NAV2: variants seen among roughly 807,000 people sequenced by gnomAD.
NAV2 encodes neuron navigator 2.
In NAV2, 54 loss-of-function variants were observed where a neutral mutation model predicts 223.2. That is an observed-to-expected ratio of 0.24 (90% CI 0.19 to 0.30). The LOEUF is 0.30. Ranked by LOEUF, NAV2 falls within the 10% of genes least tolerant of loss-of-function variation. The pLI is 1.00. For synonymous variants in NAV2, 1,279 were observed against 1,239.3 expected (o/e 1.03, Z -0.67); for missense variants, 2,806 against 3,147.5 (o/e 0.89, Z 2.60).
At chr11:19,962,939 T>A (rs2048454809) in intron 10 of NAV2, among the ~76,000 whole-genome samples, 1 of 152,220 alleles carries the variant, frequency 6.6e-6, no homozygotes. Flanking sequence ...GTGCTTGTAA[T>A]CATCCAGTCA....
At chr11:19,778,223 TGAATTGTTTTTTTATCG>T (rs1004059489) in intron 1 of NAV2, 17 of 410,346 alleles carry the variant, frequency 4.1e-5, no homozygotes, top group African/African-American at 2.7e-4. Context: ...TTTGCTTTTG[TGAATTGTTTTTTTATCG>T]GATAGTTTCA....
intron 3 of NAV2, 111 bp downstream of exon 3, chr11:19,843,034 A>C: frequency 1.2e-6 from 1 of 841,828 alleles, no homozygotes. Flanking sequence ...CCAGGGGATT[A>C]TATTAATAAA....
intron 1 of NAV2, among the ~76,000 whole-genome samples, chr11:19,577,192 A>G (rs1259029072): frequency 6.6e-6 from 1 of 152,228 alleles, no homozygotes; most frequent in Non-Finnish European, 1.5e-5. Flanking sequence ...ACATGAGGAA[A>G]CTGAGGCTCA....
chr11:19,794,872 C>A (rs1317128825), intron 1 of NAV2, among the ~76,000 whole-genome samples: 1 of 152,188 alleles, frequency 6.6e-6, no homozygotes, highest in Non-Finnish European at 1.5e-5. Context: ...TTATTGCAAA[C>A]CTTTCCCCTC....
upstream of NAV2, among the ~76,000 whole-genome samples, chr11:19,709,546 C>CAAAAAAA (rs3043492): frequency 1.3e-4 from 8 of 63,132 alleles, no homozygotes; most frequent in South Asian, 7.5e-4. Context: ...GACTCCGTCT[C>CAAAAAAA]AAAAAAAAAA....
intron 8 of NAV2, among the ~76,000 whole-genome samples, chr11:19,940,419 C>T (rs552247630): frequency 6.6e-6 from 1 of 152,304 alleles, no homozygotes; most frequent in South Asian, 2.1e-4. Context: ...AGAAAAGTCA[C>T]ACCTTAATTA....
intron 1 of NAV2, among the ~76,000 whole-genome samples, chr11:19,818,731 G>A (rs2059233183): frequency 6.6e-6 from 1 of 152,172 alleles, no homozygotes; most frequent in South Asian, 2.1e-4. Flanking sequence ...ACCGTCGGGT[G>A]GGTCCTACTA....
intron 36 of NAV2, among the ~76,000 whole-genome samples, chr11:20,111,728 C>T (rs1215225258): frequency 2.6e-5 from 4 of 152,186 alleles, no homozygotes; most frequent in Non-Finnish European, 5.9e-5. Context: ...GATTATCCAG[C>T]CTGCTCTGAG....
intron 1 of NAV2, among the ~76,000 whole-genome samples, chr11:19,490,275 G>T (rs1226076979): frequency 6.6e-6 from 1 of 152,148 alleles, no homozygotes; most frequent in Non-Finnish European, 1.5e-5. Flanking sequence ...CAACAATGAA[G>T]TTTGCCACAT....
chr11:19,496,504 T>C (rs2042797640), intron 1 of NAV2, among the ~76,000 whole-genome samples: 1 of 152,234 alleles, frequency 6.6e-6, no homozygotes, highest in African/African-American at 2.4e-5. Context: ...TCAGGGCTGC[T>C]TGAGTGTGCT....
chr11:19,714,427 A>G (rs1033966593), intron 1 of NAV2: 4 of 458,870 alleles, frequency 8.7e-6, no homozygotes, highest in Admixed American at 2.3e-5. Flanking sequence ...TGTAAGATCC[A>G]GGAAGAAAAG....
At chr11:19,714,159 G>A in intron 1 of NAV2, 197 bp downstream of exon 1, 5 of 788,188 alleles carry the variant, frequency 6.3e-6, no homozygotes, top group Non-Finnish European at 8.4e-6. Flanking sequence ...GGGTGCCGGA[G>A]GTTTGCCTTA....
At chr11:19,659,163 A>C (rs1456560571) in intron 1 of NAV2, among the ~76,000 whole-genome samples, 1 of 152,200 alleles carries the variant, frequency 6.6e-6, no homozygotes, top group African/African-American at 2.4e-5. Context: ...AGAAGAATCT[A>C]ATTGTATAAG....
intron 1 of NAV2, among the ~76,000 whole-genome samples, chr11:19,672,154 G>A (rs2048590897): frequency 1.3e-5 from 2 of 152,172 alleles, no homozygotes; most frequent in South Asian, 4.1e-4. Context: ...CATCTCCTGG[G>A]AACTCTGAGT....
intron 11 of NAV2, among the ~76,000 whole-genome samples, chr11:20,013,066 G>A (rs1411620240): frequency 1.3e-5 from 2 of 152,196 alleles, no homozygotes; most frequent in Admixed American, 1.3e-4. Flanking sequence ...AGCCCCAGAA[G>A]GACACTGATT....
intron 1 of NAV2, among the ~76,000 whole-genome samples, chr11:19,593,809 T>C (rs974935291): frequency 2.6e-5 from 4 of 152,208 alleles, no homozygotes; most frequent in Non-Finnish European, 5.9e-5. Context: ...TTGAACATTT[T>C]TTCACTGCTT....
intron 11 of NAV2, among the ~76,000 whole-genome samples, chr11:20,034,107 A>G (rs2056084242): frequency 2.0e-5 from 3 of 152,218 alleles, no homozygotes; most frequent in African/African-American, 7.2e-5. Flanking sequence ...CTGCAGTCAC[A>G]GTAAAGAGGG....
intron 11 of NAV2, among the ~76,000 whole-genome samples, chr11:19,986,588 C>G (rs1258299350): frequency 6.6e-6 from 1 of 152,162 alleles, no homozygotes; most frequent in Non-Finnish European, 1.5e-5. Context: ...CCATTGCAGC[C>G]ATTGCATTCC....
intron 1 of NAV2, among the ~76,000 whole-genome samples, chr11:19,432,898 C>T (rs1187276030): frequency 6.6e-6 from 1 of 152,154 alleles, no homozygotes; most frequent in Non-Finnish European, 1.5e-5. Flanking sequence ...TTTCAAAATG[C>T]CTCAAACCCA....
Sources: gnomAD v4.1 joint callset for allele counts (sites outside exome capture counted in the v4.1 genomes callset) on GRCh38, gnomAD v4.1.1 for gene constraint, MANE v1.5 for transcripts, NCBI Gene and HGNC (gene_info 2026-07-23, HGNC 2026-07-21) for gene names.